MAP2K6: variants seen among roughly 807,000 people sequenced by gnomAD.
MAP2K6 encodes the protein mitogen-activated protein kinase kinase 6.
MAP2K6 carries 16 observed loss-of-function variants against 53.7 expected under a neutral mutation model. The observed-to-expected ratio is 0.30, with a 90% CI of 0.20 to 0.45. The LOEUF is 0.45. Among genes scored for constraint, MAP2K6 ranks in the 20% least tolerant of loss-of-function variants. The pLI is 1.00. For synonymous variants in MAP2K6, 132 were observed against 143.1 expected (o/e 0.92, Z 0.55); for missense variants, 204 against 411.9 (o/e 0.50, Z 4.37).
chr17:69,421,764 C>T (rs1462326331), intron 1 of MAP2K6, among the ~76,000 whole-genome samples: 3 of 151,874 alleles, frequency 2.0e-5, no homozygotes, highest in African/African-American at 4.8e-5. Flanking sequence ...AGGATGGTCT[C>T]GATCTCCTGA....
chr17:69,538,004 C>T (rs957081250), intron 11 of MAP2K6, among the ~76,000 whole-genome samples: 3 of 151,788 alleles, frequency 2.0e-5, no homozygotes, highest in African/African-American at 7.3e-5. Context: ...TACTATGGAG[C>T]CTGTAATCCT....
Position 69,553,137 on chromosome 17 carries a change from G to C in MAP2K6, c.*11384G>C, listed in dbSNP as rs898144046. 3.9e-5 allele frequency: 6 copies of C among 152,186 alleles called. No homozygotes were observed. The highest frequency in any genetic ancestry group is 7.4e-5 in the Non-Finnish European group (5 of 68,024). 9.4% of individuals were successfully genotyped at this position (152,186 alleles called of 1,614,324 possible). On this transcript the variant is annotated 3_prime_UTR_variant, in exon 12 of 12. Transcript: ENST00000590474. ...ACATTGATGGGGGACAAGACTGGATGATTGACTTCTATCAGTCAGTAGACA... is the reference window on the plus strand; with the variant it reads ...ACATTGATGGGGGACAAGACTGGATCATTGACTTCTATCAGTCAGTAGACA...
At chr17:69,438,689 A>G (rs572210561) in intron 1 of MAP2K6, among the ~76,000 whole-genome samples, 7 of 152,110 alleles carry the variant, frequency 4.6e-5, no homozygotes, top group Admixed American at 4.6e-4. Context: ...AAGCCATCCT[A>G]CCACCTCAGC....
intron 1 of MAP2K6, among the ~76,000 whole-genome samples, chr17:69,488,677 C>T (rs1294507338): frequency 6.6e-6 from 1 of 152,118 alleles, no homozygotes; most frequent in East Asian, 1.9e-4. Flanking sequence ...TGCATGCTCT[C>T]ACTTAGAAGT....
At chr17:69,529,380 A>G (rs1474638739) in intron 10 of MAP2K6, among the ~76,000 whole-genome samples, 1 of 152,068 alleles carries the variant, frequency 6.6e-6, no homozygotes, top group African/African-American at 2.4e-5. Flanking sequence ...AAATCATCCA[A>G]TTGCTTGAAT....
chr17:69,415,954 A>G (rs1905885667), intron 1 of MAP2K6, among the ~76,000 whole-genome samples: 1 of 152,058 alleles, frequency 6.6e-6, no homozygotes, highest in Non-Finnish European at 1.5e-5. Context: ...TGGGAAGGGG[A>G]TTTAAAAAAT....
Position 69,496,481 on chromosome 17 carries a change from G to A in MAP2K6, c.17-9299G>A, listed in dbSNP as rs187219362. 1.4e-3 allele frequency among the ~76,000 whole-genome samples: 217 copies of A among 151,832 alleles called. 2 individuals carry two copies. The South Asian group carries it at 0.016, about 11-fold the overall frequency. On this transcript the variant is annotated intron_variant, in intron 1 of 11. Transcript: ENST00000590474. Reference sequence around the variant, plus strand: ...GAGATGGGGTTCCAGCGATTCTCCCGCCTCAGCCTCCGGAGTAGCTGGGAT... The same window carrying A: ...GAGATGGGGTTCCAGCGATTCTCCCACCTCAGCCTCCGGAGTAGCTGGGAT...
intron 1 of MAP2K6, chr17:69,505,442 CAAAAAAAA>C (rs33993512): frequency 2.6e-5 from 3 of 115,792 alleles, no homozygotes; most frequent in South Asian, 1.5e-4. Flanking sequence ...GACTCTGTCT[CAAAAAAAA>C]AAAAAAAAAA....
chr17:69,532,734 G>T (rs1323287422), intron 10 of MAP2K6, among the ~76,000 whole-genome samples: 1 of 152,150 alleles, frequency 6.6e-6, no homozygotes, highest in Non-Finnish European at 1.5e-5. Context: ...TTGCTTTGCG[G>T]TGTAAGTATT....
chr17:69,544,427 A>T lies in MAP2K6; in HGVS notation c.*2674A>T, dbSNP rs1195705174. On this transcript the variant is annotated 3_prime_UTR_variant, in exon 12 of 12. Coordinates refer to ENST00000590474, the MANE Select transcript of MAP2K6 (RefSeq NM_002758.4). ...TCAACCAACTTTTGAAAAAATCAAGATACCTAAACTATATATAAATGGGGA... is the reference window on the plus strand; with the variant it reads ...TCAACCAACTTTTGAAAAAATCAAGTTACCTAAACTATATATAAATGGGGA... 1 of 152,224 alleles carries T rather than the reference A, an allele frequency of 6.6e-6. No homozygotes were observed. The highest frequency in any genetic ancestry group is 1.5e-5 in the Non-Finnish European group (1 of 68,038). 9.4% of individuals were successfully genotyped at this position (152,224 alleles called of 1,614,324 possible). A position where few individuals can be genotyped will look rare whatever the true frequency, so the allele number is the denominator to read the frequency against.
chr17:69,538,078 C>T (rs1911441661), intron 11 of MAP2K6, among the ~76,000 whole-genome samples: 1 of 151,756 alleles, frequency 6.6e-6, no homozygotes. Context: ...TTATGTTGCC[C>T]AGGCTGGTCT....
At chr17:69,497,889 G>T (rs116383660) in intron 1 of MAP2K6, among the ~76,000 whole-genome samples, 1,973 of 152,064 alleles carry the variant, frequency 0.013, 44 homozygotes, top group African/African-American at 0.044. Context: ...AAACCCTCAG[G>T]TACCCTTAAA....
At chr17:69,446,604 G>C (rs1376383178) in intron 1 of MAP2K6, among the ~76,000 whole-genome samples, 5 of 152,152 alleles carry the variant, frequency 3.3e-5, no homozygotes, top group African/African-American at 4.8e-5. Flanking sequence ...CAAAGTTCAG[G>C]GAGGTTAAGT....
chr17:69,539,083 T>A (rs1223672792), intron 11 of MAP2K6, among the ~76,000 whole-genome samples: 1 of 152,214 alleles, frequency 6.6e-6, no homozygotes, highest in Non-Finnish European at 1.5e-5. Context: ...ATTCAAGTGA[T>A]TGCCCAGTGA....
intron 10 of MAP2K6, among the ~76,000 whole-genome samples, chr17:69,528,859 C>CAAAAAAA: frequency 1.7e-5 from 1 of 59,090 alleles, no homozygotes; most frequent in Non-Finnish European, 2.9e-5. Flanking sequence ...GACGCCATCT[C>CAAAAAAA]AAAAAAAAAA....
intron 1 of MAP2K6, among the ~76,000 whole-genome samples, chr17:69,486,081 C>G (rs1285294672): frequency 1.3e-5 from 2 of 152,238 alleles, no homozygotes; most frequent in Middle Eastern, 3.4e-3. Flanking sequence ...AAAATTAAGT[C>G]TAGAACATAT....
chr17:69,426,570 A>G (rs916704128), intron 1 of MAP2K6, among the ~76,000 whole-genome samples: 1 of 152,226 alleles, frequency 6.6e-6, no homozygotes, highest in African/African-American at 2.4e-5. Flanking sequence ...AAAAATGTGT[A>G]GAATCTAAAC....
At chr17:69,502,279 C>G in intron 1 of MAP2K6, 4 of 985,378 alleles carry the variant, frequency 4.1e-6, no homozygotes, top group Non-Finnish European at 4.8e-6. Flanking sequence ...TTTCTCCTTG[C>G]CGAAGTGTGG....
At chr17:69,481,316 T>C (rs1189990665) in intron 1 of MAP2K6, among the ~76,000 whole-genome samples, 1 of 152,212 alleles carries the variant, frequency 6.6e-6, no homozygotes, top group Non-Finnish European at 1.5e-5. Context: ...GTAGCATGTG[T>C]CAGAATTCCC....
Sources: allele counts gnomAD v4.1 joint callset (sites outside exome capture counted in the v4.1 genomes callset), GRCh38; gene constraint gnomAD v4.1.1; transcripts MANE v1.5; gene names NCBI Gene and HGNC (gene_info 2026-07-23, HGNC 2026-07-21).